Variants in CNBD1 observed in about 807,000 individuals in gnomAD.
CNBD1 encodes cyclic nucleotide-binding domain-containing protein 1.
Under a neutral mutation model 54.4 loss-of-function variants are expected in CNBD1, and 71 were observed. The ratio of observed to expected loss-of-function variants is 1.30; its 90% confidence interval spans 1.08 to 1.59. The LOEUF (loss-of-function observed/expected upper bound fraction) is 1.59, where lower values mean the gene tolerates loss of function less well. CNBD1 is among the 40% of genes most tolerant of loss of function. The pLI, the probability that CNBD1 is intolerant of heterozygous loss-of-function variation, is 0.00. For synonymous variants in CNBD1, 182 were observed against 170.7 expected, an observed-to-expected ratio of 1.07 and a Z score of -0.51; for missense variants, 659 against 518.0, an observed-to-expected ratio of 1.27 and a Z score of -2.64.
intron 4 of CNBD1, among the ~76,000 whole-genome samples, chr8:87,187,911 G>T (rs1449261570): frequency 1.3e-5 from 2 of 152,108 alleles, no homozygotes; most frequent in Non-Finnish European, 2.9e-5. Flanking sequence ...ATCCTTGGAT[G>T]ACTTTATTTT....
rs1316004799 is a variant in CNBD1, at chr8:87,284,748, C to T, written c.842C>T (p.Ser281Leu). Residue 281 changes from serine to leucine, a missense_variant, in exon 7 of 11, where the codon TCG (serine) becomes TTG (leucine). Transcript: ENST00000518476. ...AATGAATCGGAAACACAGATGTTCT[C>T]GGTGGTGACAGAAGACGATTGTGAA... is the stretch of plus-strand genomic sequence containing the variant. ...PQNESETQMF[S>L]VVTEDDCEIL... 8.1e-6 allele frequency: 13 copies of T among 1,602,458 alleles called. No individual in the cohort carries two copies. Among genetic ancestry groups the T allele is most frequent in the South Asian group, 1.1e-5 (1 of 88,660 alleles).
At chr8:87,107,125 G>T (rs1210581582) in intron 4 of CNBD1, among the ~76,000 whole-genome samples, 1 of 152,158 alleles carries the variant, frequency 6.6e-6, no homozygotes, top group Non-Finnish European at 1.5e-5. Context: ...ACCGCACCCG[G>T]CCTGTTTTTA....
intron 4 of CNBD1, among the ~76,000 whole-genome samples, chr8:87,146,943 C>G (rs1205707165): frequency 6.6e-6 from 1 of 152,082 alleles, no homozygotes; most frequent in Non-Finnish European, 1.5e-5. Flanking sequence ...TGTTCATTAT[C>G]TGCTTTAAAT....
intron 1 of CNBD1, among the ~76,000 whole-genome samples, chr8:86,876,135 A>G (rs1289260314): frequency 6.6e-6 from 1 of 151,784 alleles, no homozygotes; most frequent in Admixed American, 6.6e-5. Context: ...TGAAGATTTG[A>G]TGGAATCCAC....
chr8:87,357,398 G>C (rs1467716748), intron 10 of CNBD1, among the ~76,000 whole-genome samples: 2 of 152,158 alleles, frequency 1.3e-5, no homozygotes, highest in East Asian at 3.9e-4. Flanking sequence ...AAGCTGCAAG[G>C]GTGGAGCTGC....
chr8:86,975,634 G>A (rs1270629731), intron 4 of CNBD1, among the ~76,000 whole-genome samples: 1 of 151,842 alleles, frequency 6.6e-6, no homozygotes, highest in Non-Finnish European at 1.5e-5. Flanking sequence ...ATCCATTGAT[G>A]AGCACTTCAG....
chr8:87,190,114 A>G (rs1011261309), intron 4 of CNBD1, among the ~76,000 whole-genome samples: 1 of 152,208 alleles, frequency 6.6e-6, no homozygotes, highest in East Asian at 1.9e-4. Context: ...TGAACTTTTC[A>G]GGTGGATTTT....
chr8:87,025,160 G>A lies in CNBD1; in HGVS notation c.431+85406G>A, dbSNP rs567784273. On this transcript the variant is annotated intron_variant, in intron 4 of 10. Transcript: ENST00000518476. The stretch of plus-strand genomic sequence containing the variant: ...GCTCTGTGTCTAAAGGATTGTAAAC[G>A]CACCAATCAGCACTCCGTAAAATGG... 3.3e-5 allele frequency among the ~76,000 whole-genome samples: 5 copies of A among 152,064 alleles called. No individual in the cohort carries two copies. The East Asian group carries it at 5.8e-4, about 18-fold the overall frequency.
At chr8:86,982,852 T>C (rs984313605) in intron 4 of CNBD1, among the ~76,000 whole-genome samples, 2 of 152,228 alleles carry the variant, frequency 1.3e-5, no homozygotes, top group African/African-American at 4.8e-5. Context: ...TGGGATTATG[T>C]AAAACTGGGA....
chr8:86,890,110 G>T (rs1808745845), intron 2 of CNBD1, among the ~76,000 whole-genome samples: 1 of 151,980 alleles, frequency 6.6e-6, no homozygotes, highest in Non-Finnish European at 1.5e-5. Flanking sequence ...TGAGACATTT[G>T]AAATTTGCTC....
intron 2 of CNBD1, among the ~76,000 whole-genome samples, chr8:87,406,768 G>A (rs533529197): frequency 1.2e-4 from 19 of 152,088 alleles, no homozygotes; most frequent in East Asian, 7.8e-4. Context: ...GAAAGCCACC[G>A]TGCCCGGCCC....
At chr8:87,070,522 G>A (rs752400881) in intron 4 of CNBD1, among the ~76,000 whole-genome samples, 1 of 152,012 alleles carries the variant, frequency 6.6e-6, no homozygotes, top group Admixed American at 6.6e-5. Context: ...AAAAAGACAA[G>A]TTCTCTGCTC....
intron 4 of CNBD1, among the ~76,000 whole-genome samples, chr8:87,153,575 G>A (rs969767023): frequency 1.3e-5 from 2 of 152,110 alleles, no homozygotes; most frequent in African/African-American, 4.8e-5. Context: ...GACATGTAAT[G>A]GGACGTTGAT....
downstream of CNBD1, among the ~76,000 whole-genome samples, chr8:87,387,506 A>G (rs1811214266): frequency 6.6e-6 from 1 of 152,200 alleles, no homozygotes. Flanking sequence ...AAAGAGACAA[A>G]GAAAGCCATT....
At chr8:86,947,036 A>G (rs1487184670) in intron 4 of CNBD1, among the ~76,000 whole-genome samples, 1 of 152,144 alleles carries the variant, frequency 6.6e-6, no homozygotes, top group African/African-American at 2.4e-5. Flanking sequence ...CAAGTCATAC[A>G]ATATCTAGAA....
chr8:86,929,281 C>T (rs956179617), intron 3 of CNBD1, among the ~76,000 whole-genome samples: 1 of 152,110 alleles, frequency 6.6e-6, no homozygotes, highest in Admixed American at 6.6e-5. Context: ...CATATTGTAC[C>T]ATGGGCATGT....
At chr8:86,897,386 A>AGTG (rs1808862145) in intron 2 of CNBD1, among the ~76,000 whole-genome samples, 1 of 152,204 alleles carries the variant, frequency 6.6e-6, no homozygotes, top group African/African-American at 2.4e-5. Flanking sequence ...AACTGCGCAA[A>AGTG]GTGGCTACTA....
At chr8:87,271,894 G>C (rs765944544) in intron 6 of CNBD1, among the ~76,000 whole-genome samples, 2 of 151,894 alleles carry the variant, frequency 1.3e-5, no homozygotes, top group Non-Finnish European at 2.9e-5. Context: ...AGAAAATGTG[G>C]TATATATACA....
intron 6 of CNBD1, among the ~76,000 whole-genome samples, chr8:87,274,105 AT>A (rs891156873): frequency 6.6e-6 from 1 of 151,956 alleles, no homozygotes; most frequent in East Asian, 1.9e-4. Context: ...TGAGCTCATC[AT>A]TTTTTATGGC....
Sources: gnomAD v4.1 joint callset for allele counts (sites outside exome capture counted in the v4.1 genomes callset) on GRCh38, gnomAD v4.1.1 for gene constraint, MANE v1.5 for transcripts, NCBI Gene and HGNC (gene_info 2026-07-23, HGNC 2026-07-21) for gene names.